Variants in EHD4 observed in about 807,000 individuals in gnomAD.
EHD4 encodes the protein EH domain-containing protein 4.
EHD4 carries 37 observed loss-of-function variants against 51.0 expected under a neutral mutation model. That is an observed-to-expected ratio of 0.73 (90% CI 0.56 to 0.95). The LOEUF (loss-of-function observed/expected upper bound fraction) is 0.95, where lower values mean the gene tolerates loss of function less well. Ranked by LOEUF, EHD4 falls within the 40% of genes least tolerant of loss-of-function variation. The pLI is 0.00. For missense variants in EHD4, 632 were observed against 733.1 expected, an observed-to-expected ratio of 0.86 and a Z score of 1.59; for synonymous variants, 297 against 317.3, an observed-to-expected ratio of 0.94 and a Z score of 0.68.
intron 3 of EHD4, among the ~76,000 whole-genome samples, chr15:41,920,298 C>T (rs989667664): frequency 6.6e-6 from 1 of 152,240 alleles, no homozygotes; most frequent in African/African-American, 2.4e-5. Context: ...GCCTGGCCCA[C>T]AGCAAATTCT....
Position 41,900,316 on chromosome 15 carries a change from C to G in EHD4, c.*329G>C. On this transcript the variant is annotated 3_prime_UTR_variant, in exon 6 of 6. Coordinates refer to ENST00000220325, the MANE Select transcript of EHD4 (RefSeq NM_139265.4). The surrounding 1 kb of genome is among the most constrained non-coding windows in gnomAD (Gnocchi z 4.8). The stretch of plus-strand genomic sequence containing the variant: ...GCTGCTCTGGGTGAGCCTTAGCTCA[C>G]TTCCTGTGGTTCCTGGGACTTACCA... 3.1e-6 allele frequency: 1 copy of G among 324,114 alleles called. No homozygotes were observed. The allele number at this position is 324,114 out of a possible 1,614,324, so 20.1% of individuals were successfully genotyped here. A position where few individuals can be genotyped will look rare whatever the true frequency, so the allele number is the denominator to read the frequency against.
intron 4 of EHD4, among the ~76,000 whole-genome samples, chr15:41,914,785 ATTTTTTTT>A: frequency 7.9e-6 from 1 of 126,526 alleles, no homozygotes; most frequent in Admixed American, 8.1e-5. Context: ...TTACAGGAGA[ATTTTTTTT>A]TTTTTTTTTT....
At chr15:41,901,819 A>AC (rs1017663187) in intron 5 of EHD4, among the ~76,000 whole-genome samples, 6 of 152,340 alleles carry the variant, frequency 3.9e-5, no homozygotes, top group African/African-American at 1.4e-4. Flanking sequence ...ACCCCGTAGG[A>AC]CCAGCCCCAC....
chr15:41,918,217 T>TACACACACACACACACACACAC (rs10682608), intron 4 of EHD4, among the ~76,000 whole-genome samples: 17 of 147,288 alleles, frequency 1.2e-4, no homozygotes, highest in African/African-American at 4.3e-4. Context: ...CAGGGAGCTT[T>TACACACACACACACACACACAC]ACACACACAC....
At chr15:41,964,741 A>G (rs1320299938) in intron 1 of EHD4, among the ~76,000 whole-genome samples, 3 of 147,510 alleles carry the variant, frequency 2.0e-5, no homozygotes, top group Non-Finnish European at 4.5e-5. Context: ...ACATAGATTT[A>G]GGAATATATA....
intron 3 of EHD4, among the ~76,000 whole-genome samples, chr15:41,926,784 T>G (rs962546592): frequency 6.6e-6 from 1 of 152,236 alleles, no homozygotes; most frequent in Non-Finnish European, 1.5e-5. Flanking sequence ...CACTGGGCTC[T>G]GCTGTTCCGC....
chr15:41,972,165 G>C (rs1300565420), intron 1 of EHD4, 94 bp downstream of exon 1: 6 of 1,220,934 alleles, frequency 4.9e-6, no homozygotes, highest in Non-Finnish European at 6.2e-6. Flanking sequence ...GGTCGCGCCG[G>C]CCGGGAGGGG....
intron 2 of EHD4, among the ~76,000 whole-genome samples, chr15:41,952,995 CCG>C (rs2067862461): frequency 2.0e-5 from 2 of 97,880 alleles, no homozygotes; most frequent in Non-Finnish European, 4.3e-5. Context: ...ATCTTCCCCC[CCG>C]CAAAAAAAAA....
At chr15:41,948,942 T>TG (rs1032719444) in intron 2 of EHD4, among the ~76,000 whole-genome samples, 12 of 150,080 alleles carry the variant, frequency 8.0e-5, no homozygotes, top group Non-Finnish European at 4.4e-5. Context: ...GTGGGAGGAT[T>TG]GCTGGAGCAG....
At chr15:41,933,445 CCT>C (rs1311995289) in intron 3 of EHD4, among the ~76,000 whole-genome samples, 1 of 152,140 alleles carries the variant, frequency 6.6e-6, no homozygotes, top group African/African-American at 2.4e-5. Flanking sequence ...AGTACCTTCC[CCT>C]GTTTTAGAGC....
intron 1 of EHD4, among the ~76,000 whole-genome samples, chr15:41,954,584 A>G (rs1231876877): frequency 6.6e-6 from 1 of 152,246 alleles, no homozygotes; most frequent in African/African-American, 2.4e-5. Flanking sequence ...TAAAAGAATG[A>G]GAAATTAAGC....
At chr15:41,934,465 C>T (rs995272972) in intron 3 of EHD4, among the ~76,000 whole-genome samples, 1 of 152,060 alleles carries the variant, frequency 6.6e-6, no homozygotes, top group Non-Finnish European at 1.5e-5. Flanking sequence ...CGAGAACACA[C>T]CACCACACCC....
chr15:41,931,324 C>A (rs925328912), intron 3 of EHD4, among the ~76,000 whole-genome samples: 2 of 152,044 alleles, frequency 1.3e-5, no homozygotes, highest in African/African-American at 4.8e-5. Flanking sequence ...CCAGCCTGGG[C>A]AACAAGGTGA....
chr15:41,972,188 G>A, intron 1 of EHD4, 71 bp downstream of exon 1: 1 of 1,268,148 alleles, frequency 7.9e-7, no homozygotes, highest in Non-Finnish European at 1.0e-6. Context: ...GCGGCGGGAG[G>A]CGGCCGACTG....
At chr15:41,969,993 C>T (rs545174895) in intron 1 of EHD4, among the ~76,000 whole-genome samples, 19 of 152,278 alleles carry the variant, frequency 1.2e-4, no homozygotes, top group African/African-American at 4.1e-4. Context: ...CAACCCAGAC[C>T]ACTAACCAGG....
At chr15:41,952,937 C>T (rs1049394246) in intron 2 of EHD4, among the ~76,000 whole-genome samples, 9 of 130,088 alleles carry the variant, frequency 6.9e-5, no homozygotes, top group South Asian at 2.7e-4. Context: ...TTGCAGTGAG[C>T]GGAGATCATG....
At position 41,898,120 on chromosome 15, in the gene EHD4, A is replaced by C. The variant is rs2067451592; in HGVS notation, c.*2525T>G. 6.6e-6 allele frequency: 1 copy of C among 152,230 alleles called. No individual in the cohort carries two copies. The highest frequency in any genetic ancestry group is 1.5e-5 in the Non-Finnish European group (1 of 68,034). 9.4% of individuals were successfully genotyped at this position (152,230 alleles called of 1,614,324 possible). On this transcript the variant is annotated 3_prime_UTR_variant, in exon 6 of 6. Transcript: ENST00000220325. ...GAATGACTGCATGTAAGAGGATATTAAGAAAAGTGGCCAAATGATTTCCTT... is the reference window on the plus strand; with the variant it reads ...GAATGACTGCATGTAAGAGGATATTCAGAAAAGTGGCCAAATGATTTCCTT...
chr15:41,939,530 T>C (rs2067752890), intron 3 of EHD4, among the ~76,000 whole-genome samples: 1 of 151,982 alleles, frequency 6.6e-6, no homozygotes, highest in South Asian at 2.1e-4. Flanking sequence ...CCATACTGAT[T>C]ATCATTTTAA....
At chr15:41,963,307 AAAAAAAAG>A (rs1427452990) in intron 1 of EHD4, among the ~76,000 whole-genome samples, 10 of 151,782 alleles carry the variant, frequency 6.6e-5, no homozygotes, top group Non-Finnish European at 1.3e-4. Context: ...AAAAAAAAAA[AAAAAAAAG>A]AGGCAGGGCA....
Sources: gnomAD v4.1 joint callset for allele counts (sites outside exome capture counted in the v4.1 genomes callset) on GRCh38, gnomAD v4.1.1 for gene constraint, Gnocchi (gnomAD v3.1) non-coding constraint, MANE v1.5 for transcripts, NCBI Gene and HGNC (gene_info 2026-07-23, HGNC 2026-07-21) for gene names.